The following VAT1L variants were observed in gnomAD, a reference collection of about 807,000 sequenced individuals.
VAT1L encodes putative NADPH-dependent quinone oxidoreductase VAT1L.
A neutral mutation model predicts 44.1 loss-of-function variants in VAT1L; 34 were observed. The observed-to-expected ratio is 0.77, with a 90% confidence interval of 0.59 to 1.03. VAT1L has a LOEUF of 1.03. Ranked by LOEUF, VAT1L falls within the 50% of genes least tolerant of loss-of-function variation. The pLI is 0.00. For missense variants in VAT1L, 615 were observed against 538.8 expected (o/e 1.14, Z -1.40); for synonymous variants, 253 against 202.2 (o/e 1.25, Z -2.13).
In VAT1L at chr16:77,976,590, G is replaced by A. The variant is rs202141854; in HGVS notation, c.1162-1007G>A. On this transcript the variant is annotated intron_variant, in intron 8 of 8. Coordinates refer to ENST00000302536, the MANE Select transcript of VAT1L (RefSeq NM_020927.3). ...GAGATCTGGGGCCCAATCTAGATCA[G>A]GGGATAAGAACAGAAAAGAAATCTG... Among the ~76,000 whole-genome samples the A allele has an allele frequency of 1.5e-4, 23 of 152,288 alleles. No individual in the cohort carries two copies. The East Asian group carries it at 1.5e-3, about 10-fold the overall frequency.
At chr16:77,842,351 G>A (rs774318129) in intron 3 of VAT1L, among the ~76,000 whole-genome samples, 1 of 152,314 alleles carries the variant, frequency 6.6e-6, no homozygotes, top group East Asian at 1.9e-4. Context: ...CTGCAGAGAC[G>A]AAATGGGTAA....
At chr16:77,960,767 C>T (rs1355994697) in intron 7 of VAT1L, among the ~76,000 whole-genome samples, 1 of 152,116 alleles carries the variant, frequency 6.6e-6, no homozygotes, top group African/African-American at 2.4e-5. Flanking sequence ...CAGGACCCCT[C>T]CTCAGCCCTG....
At chr16:77,911,123 C>A (rs989996351) in intron 7 of VAT1L, among the ~76,000 whole-genome samples, 3 of 152,130 alleles carry the variant, frequency 2.0e-5, no homozygotes, top group African/African-American at 4.8e-5. Flanking sequence ...ACTGTACCAC[C>A]CAGTAAGACC....
At chr16:77,972,020 A>T (rs2018284102) in intron 8 of VAT1L, 87 bp downstream of exon 8, 2 of 1,311,982 alleles carry the variant, frequency 1.5e-6, no homozygotes, top group African/African-American at 2.9e-5. Context: ...GGGTAGAAGG[A>T]AGTACAGGTA....
chr16:77,930,379 T>C (rs1418520486), intron 7 of VAT1L, among the ~76,000 whole-genome samples: 1 of 152,090 alleles, frequency 6.6e-6, no homozygotes, highest in East Asian at 1.9e-4. Flanking sequence ...ACCTACCCCA[T>C]CCATTGATCC....
At chr16:77,976,137 C>T (rs187664730) in intron 8 of VAT1L, among the ~76,000 whole-genome samples, 4 of 152,154 alleles carry the variant, frequency 2.6e-5, no homozygotes, top group Admixed American at 6.5e-5. Flanking sequence ...TGCATATGTA[C>T]CTAGTGGTAG....
chr16:77,834,787 C>G (rs2145254329), intron 3 of VAT1L, among the ~76,000 whole-genome samples: 1 of 152,312 alleles, frequency 6.6e-6, no homozygotes, highest in South Asian at 2.1e-4. Flanking sequence ...CCTCCTCATC[C>G]CTTCATTTTC....
intron 8 of VAT1L, among the ~76,000 whole-genome samples, chr16:77,975,403 G>A (rs1238441274): frequency 6.6e-6 from 1 of 151,730 alleles, no homozygotes; most frequent in Non-Finnish European, 1.5e-5. Context: ...GTAGAGATGG[G>A]GTTTCACCAT....
chr16:77,958,458 G>T (rs1414776691), intron 7 of VAT1L, among the ~76,000 whole-genome samples: 1 of 152,090 alleles, frequency 6.6e-6, no homozygotes, highest in African/African-American at 2.4e-5. Flanking sequence ...CTCTTCCCCA[G>T]GTCTCACTCC....
chr16:77,867,845 C>A (rs779389287), intron 4 of VAT1L, among the ~76,000 whole-genome samples: 3 of 142,082 alleles, frequency 2.1e-5, no homozygotes, highest in East Asian at 2.1e-4. Context: ...GGCGACAGAG[C>A]GAGACTATCT....
chr16:77,943,954 C>G (rs1290864543), intron 7 of VAT1L, among the ~76,000 whole-genome samples: 1 of 152,168 alleles, frequency 6.6e-6, no homozygotes, highest in Non-Finnish European at 1.5e-5. Flanking sequence ...ATGCCACCTG[C>G]CTTTGCCTAC....
chr16:77,964,193 G>C lies in VAT1L; in HGVS notation c.1078-7657G>C, dbSNP rs150237552. The stretch of plus-strand genomic sequence containing the variant: ...GTGGCTCACTCCTTCCTGCTCTTCA[G>C]GTCTCACCCATCACCTCCTTAAACC... On this transcript the variant is annotated intron_variant, in intron 7 of 8. Coordinates refer to ENST00000302536, the MANE Select transcript of VAT1L (RefSeq NM_020927.3). Among the ~76,000 whole-genome samples the C allele has an allele frequency of 6.5e-3, 988 of 152,098 alleles. 9 individuals carry two copies. The highest frequency in any genetic ancestry group is 0.022 in the African/African-American group (908 of 41,476).
At position 77,925,681 on chromosome 16, in the gene VAT1L, G is replaced by C. The variant is rs903196140; in HGVS notation, c.1077+40879G>C. 5.3e-5 allele frequency among the ~76,000 whole-genome samples: 8 copies of C among 152,112 alleles called. No homozygotes were observed. The East Asian group carries it at 1.5e-3, about 29-fold the overall frequency. On this transcript the variant is annotated intron_variant, in intron 7 of 8. Coordinates refer to ENST00000302536, the MANE Select transcript of VAT1L (RefSeq NM_020927.3). ...CTAAAATCAATTTTGCTTTTCCCTC[G>C]TTCTGCAGATGACGTAAAATCTAGA...
intron 7 of VAT1L, among the ~76,000 whole-genome samples, chr16:77,958,172 G>A (rs2018124020): frequency 1.3e-5 from 2 of 152,124 alleles, no homozygotes; most frequent in African/African-American, 2.4e-5. Flanking sequence ...CTCCCTAAGT[G>A]CTGGGATTAC....
intron 3 of VAT1L, among the ~76,000 whole-genome samples, chr16:77,827,002 T>A (rs1002720680): frequency 6.6e-6 from 1 of 152,056 alleles, no homozygotes; most frequent in African/African-American, 2.4e-5. Flanking sequence ...TAGAGCACAT[T>A]TCCGTTGTTT....
At position 77,964,441 on chromosome 16, in the gene VAT1L, A is replaced by ATCAC. The variant is rs150736051; in HGVS notation, c.1078-7406_1078-7403dup. On this transcript the variant is annotated intron_variant, in intron 7 of 8. Transcript: ENST00000302536. ...GCTTCACGGTCCCCCCAGCAAGGGC[A>ATCAC]TCACTCCAAACTCTGCTTCCCTTGT... Among the ~76,000 whole-genome samples the ATCAC allele has an allele frequency of 7.5e-3, 1,143 of 152,190 alleles. 16 individuals carry two copies. Among genetic ancestry groups the ATCAC allele is most frequent in the African/African-American group, 0.025 (1,053 of 41,524 alleles).
chr16:77,914,442 T>C (rs898393285), intron 7 of VAT1L, among the ~76,000 whole-genome samples: 5 of 152,200 alleles, frequency 3.3e-5, no homozygotes, highest in African/African-American at 1.2e-4. Context: ...GTGTGAGCAT[T>C]CACACCAAAG....
chr16:77,903,478 AAATAATAATAGCACT>A (rs2017406187), intron 7 of VAT1L, among the ~76,000 whole-genome samples: 2 of 152,154 alleles, frequency 1.3e-5, no homozygotes, highest in Admixed American at 1.3e-4. Flanking sequence ...TAGATACTAA[AAATAATAATAGCACT>A]ACTAGTTACT....
At chr16:77,859,135 CAAAAAA>C (rs59034189) in intron 3 of VAT1L, among the ~76,000 whole-genome samples, 1 of 126,090 alleles carries the variant, frequency 7.9e-6, no homozygotes, top group African/African-American at 2.9e-5. Flanking sequence ...AACTCCATCT[CAAAAAA>C]AAAAAAAAAC....
Sources: allele counts gnomAD v4.1 joint callset (sites outside exome capture counted in the v4.1 genomes callset), GRCh38; gene constraint gnomAD v4.1.1; transcripts MANE v1.5; gene names NCBI Gene and HGNC (gene_info 2026-07-23, HGNC 2026-07-21).